PCLO: variants seen among roughly 807,000 people sequenced by gnomAD.
PCLO encodes the protein piccolo presynaptic cytomatrix protein.
A neutral mutation model predicts 427.5 loss-of-function variants in PCLO; 82 were observed. The ratio of observed to expected loss-of-function variants is 0.19; its 90% CI spans 0.16 to 0.23. The LOEUF (loss-of-function observed/expected upper bound fraction) is 0.23. Among genes scored for constraint, PCLO ranks in the 10% least tolerant of loss-of-function variants. PCLO has a pLI of 1.00. For missense variants in PCLO, 6,239 were observed against 6,115.9 expected (o/e 1.02, Z -0.67); for synonymous variants, 2,357 against 2,155.4 (o/e 1.09, Z -2.59).
intron 18 of PCLO, among the ~76,000 whole-genome samples, chr7:82,825,126 T>G (rs939391415): frequency 6.6e-6 from 1 of 152,172 alleles, no homozygotes; most frequent in African/African-American, 2.4e-5. Flanking sequence ...TAGTTCACAT[T>G]TGAAATAGGG....
intron 24 of PCLO, among the ~76,000 whole-genome samples, chr7:82,759,217 A>G (rs888009257): frequency 6.6e-6 from 1 of 151,878 alleles, no homozygotes; most frequent in Non-Finnish European, 1.5e-5. Context: ...AGTCATATGC[A>G]GAACTTATCA....
intron 21 of PCLO, 23 bp from the exon 22 acceptor site, chr7:82,801,614 G>C (rs1163599937): frequency 7.1e-7 from 1 of 1,402,834 alleles, no homozygotes; most frequent in South Asian, 1.2e-5. Flanking sequence ...AAAATAAAAT[G>C]ATATATTCAG....
At chr7:82,990,962 A>G (rs1190690734) in intron 3 of PCLO, among the ~76,000 whole-genome samples, 1 of 152,148 alleles carries the variant, frequency 6.6e-6, no homozygotes, top group Non-Finnish European at 1.5e-5. Flanking sequence ...CTTACTTACT[A>G]ATTTTAGAAT....
chr7:82,885,230 T>C (rs1793601557), intron 9 of PCLO, among the ~76,000 whole-genome samples: 1 of 152,170 alleles, frequency 6.6e-6, no homozygotes, highest in African/African-American at 2.4e-5. Flanking sequence ...AGCTGTCACA[T>C]GTTAGTGGAC....
intron 3 of PCLO, among the ~76,000 whole-genome samples, chr7:83,076,006 T>A (rs369023799): frequency 6.6e-6 from 1 of 151,964 alleles, no homozygotes; most frequent in African/African-American, 2.4e-5. Flanking sequence ...AATTTTACTA[T>A]AAATATTGAG....
chr7:82,943,168 A>G (rs577819798), intron 6 of PCLO, among the ~76,000 whole-genome samples: 23 of 152,204 alleles, frequency 1.5e-4, no homozygotes, highest in African/African-American at 3.1e-4. Context: ...AGTGGAGCAA[A>G]GCATATTCTT....
At chr7:82,846,412 A>C (rs573654186) in intron 12 of PCLO, among the ~76,000 whole-genome samples, 155 bp downstream of exon 12, 1 of 152,126 alleles carries the variant, frequency 6.6e-6, no homozygotes, top group East Asian at 1.9e-4. Flanking sequence ...TTTTGTTTAT[A>C]ATTATATAAA....
At chr7:82,889,788 C>T (rs949517329) in intron 9 of PCLO, among the ~76,000 whole-genome samples, 1 of 152,000 alleles carries the variant, frequency 6.6e-6, no homozygotes. Context: ...CCAGTCATTA[C>T]ATTTATATTT....
rs367916644 is a variant in PCLO at position 82,954,587 on chromosome 7, A to G, written c.6366T>C (p.Ser2122=). 2.5e-6 allele frequency: 4 copies of G among 1,613,974 alleles called. No individual in the cohort carries two copies. The highest frequency in any genetic ancestry group is 1.1e-5 in the South Asian group (1 of 91,088). The change falls in exon 5 of 25, where the codon AGT becomes AGC. Residue 2122 remains serine, a synonymous_variant. Transcript: ENST00000333891. ...SGASLTDSTS[S]ATLSIPDVKI... is the part of the protein sequence containing the mutation. ...TAACATCTGGGATAGAGAGTGTTGC[A>G]CTGCTGGTCGAATCTGTAAGAGACG...
At chr7:83,027,518 A>C (rs1218513144) in intron 3 of PCLO, among the ~76,000 whole-genome samples, 2 of 152,026 alleles carry the variant, frequency 1.3e-5, no homozygotes, top group African/African-American at 4.8e-5. Flanking sequence ...GCCAAATTCT[A>C]CCAGAGGTAC....
In PCLO at chr7:82,950,816, C is replaced by T. The variant is rs1408959062; in HGVS notation, c.9772G>A (p.Glu3258Lys). Residue 3258 changes from glutamate (E) to lysine (K), a missense_variant, in exon 6 of 25, where the codon GAG (glutamate) becomes AAG (lysine). By Grantham distance (56) the Glu-to-Lys change is moderately conservative. This residue lies in a region of PCLO where 4,677 missense variants were observed against 4,468.4 expected (regional missense o/e 1.05). Transcript: ENST00000333891. ...TGTTGCTTCATAGACTGCAGCTCCT[C>T]CAACTTTTTCTGAACCATGATCTTT... ...QEKIMVQKKLEELQSMKQHLL... is the reference protein window; with the variant it reads ...QEKIMVQKKLKELQSMKQHLL... 6.2e-7 allele frequency: 1 copy of T among 1,613,578 alleles called. No individual in the cohort carries two copies. The highest frequency in any genetic ancestry group is 1.3e-5 in the African/African-American group (1 of 74,900).
chr7:82,798,852 T>C (rs187795509), intron 22 of PCLO, among the ~76,000 whole-genome samples: 61 of 152,312 alleles, frequency 4.0e-4, no homozygotes, highest in African/African-American at 1.4e-3. Flanking sequence ...ACTCACATTA[T>C]ATTACATATT....
chr7:83,157,860 A>G (rs193214503), intron 1 of PCLO, among the ~76,000 whole-genome samples: 459 of 152,202 alleles, frequency 3.0e-3, no homozygotes, highest in African/African-American at 0.01. Context: ...AAAATATAAT[A>G]TCAGAATAAA....
At chr7:82,887,186 A>G (rs1793647498) in intron 9 of PCLO, among the ~76,000 whole-genome samples, 1 of 152,138 alleles carries the variant, frequency 6.6e-6, no homozygotes, top group African/African-American at 2.4e-5. Context: ...AAAGCAGCTG[A>G]GACTGCTAAG....
At chr7:83,117,564 C>T (rs1013226700) in intron 3 of PCLO, among the ~76,000 whole-genome samples, 1 of 152,174 alleles carries the variant, frequency 6.6e-6, no homozygotes, top group African/African-American at 2.4e-5. Context: ...GGGACAAAAT[C>T]GAGCTCGCTT....
intron 3 of PCLO, among the ~76,000 whole-genome samples, chr7:83,054,615 G>A (rs1789333542): frequency 6.6e-6 from 1 of 151,988 alleles, no homozygotes; most frequent in Admixed American, 6.6e-5. Context: ...CAAACATTGA[G>A]TGGCTGAACA....
rs1198585539 is a variant in PCLO, at chr7:82,794,469, T to C, written c.15007+7049A>G. On this transcript the variant is annotated intron_variant, in intron 22 of 24. Coordinates refer to ENST00000333891, the MANE Select transcript of PCLO (RefSeq NM_033026.6). ...TCATAAATTTTTTTTCTTTTTTTTT[T>C]TTTTTTTTTTTTTTTTTTTTGAGAC... 4.6e-3 allele frequency among the ~76,000 whole-genome samples: 429 copies of C among 93,752 alleles called. 24 individuals are homozygous for C. The highest frequency in any genetic ancestry group is 0.035 in the Admixed American group (307 of 8,694). 61.5% of individuals were successfully genotyped at this position (93,752 alleles called of 152,430 possible).
At chr7:82,875,626 C>T (rs1225379618) in intron 10 of PCLO, among the ~76,000 whole-genome samples, 1 of 151,866 alleles carries the variant, frequency 6.6e-6, no homozygotes, top group African/African-American at 2.4e-5. Context: ...TTCCCAAAGC[C>T]AACATAGTCA....
At chr7:82,995,366 A>T (rs527632906) in intron 3 of PCLO, among the ~76,000 whole-genome samples, 1 of 152,152 alleles carries the variant, frequency 6.6e-6, no homozygotes, top group East Asian at 1.9e-4. Flanking sequence ...AGGGTTGGTT[A>T]ACAGCGCAAA....
Sources: allele counts gnomAD v4.1 joint callset (sites outside exome capture counted in the v4.1 genomes callset), GRCh38; gene constraint gnomAD v4.1.1; regional missense constraint gnomAD v4.1.1; transcripts MANE v1.5; gene names NCBI Gene and HGNC (gene_info 2026-07-23, HGNC 2026-07-21).